Variants in CSMD1 observed in about 807,000 individuals in gnomAD.
CSMD1 encodes the protein CUB and sushi domain-containing protein 1.
Under a neutral mutation model 417.5 loss-of-function variants are expected in CSMD1, and 213 were observed. The observed-to-expected ratio is 0.51, with a 90% CI of 0.46 to 0.57. The LOEUF (loss-of-function observed/expected upper bound fraction) is 0.57, where lower values mean the gene tolerates loss of function less well. Among genes scored for constraint, CSMD1 ranks in the 20% least tolerant of loss-of-function variants. The pLI is 0.00. For missense variants in CSMD1, 6,923 were observed against 4,529.7 expected (o/e 1.53, Z -15.17); for synonymous variants, 2,862 against 1,736.8 (o/e 1.65, Z -16.11).
intron 5 of CSMD1, among the ~76,000 whole-genome samples, chr8:3,981,324 C>T (rs1337745367): frequency 6.6e-6 from 1 of 151,734 alleles, no homozygotes; most frequent in Non-Finnish European, 1.5e-5. Flanking sequence ...ATGATAACAG[C>T]GGATTTTGGG....
chr8:4,755,706 T>A (rs1248534093), intron 1 of CSMD1, among the ~76,000 whole-genome samples: 1 of 152,234 alleles, frequency 6.6e-6, no homozygotes, highest in Non-Finnish European at 1.5e-5. Context: ...TCACACAATT[T>A]TGAATCTTGC....
In CSMD1 at chr8:4,361,115, A is replaced by C. The variant is rs151185740; in HGVS notation, c.415+58838T>G. ...ATGCTACACACTGTGTGGATGCTGAAATAGTCACTGAATCTCTGAGCTGAA... is the reference window on the plus strand; with the variant it reads ...ATGCTACACACTGTGTGGATGCTGACATAGTCACTGAATCTCTGAGCTGAA... On this transcript the variant is annotated intron_variant, in intron 3 of 69. Transcript: ENST00000635120. 2.0e-5 allele frequency among the ~76,000 whole-genome samples: 3 copies of C among 152,256 alleles called. 1 individual carries two copies. The highest frequency in any genetic ancestry group is 2.9e-5 in the Non-Finnish European group (2 of 67,996).
chr8:3,903,005 C>A (rs138437639), intron 5 of CSMD1, among the ~76,000 whole-genome samples: 112 of 152,200 alleles, frequency 7.4e-4, no homozygotes, highest in Non-Finnish European at 1.4e-3. Context: ...TCTAGTCTTA[C>A]GATGAATGCA....
intron 3 of CSMD1, among the ~76,000 whole-genome samples, chr8:4,313,712 T>A (rs1028659068): frequency 1.7e-4 from 26 of 151,986 alleles, no homozygotes; most frequent in African/African-American, 5.3e-4. Context: ...TAAGGTCATA[T>A]GACTTAAAAA....
chr8:3,195,199 A>G (rs138498598), intron 33 of CSMD1, among the ~76,000 whole-genome samples: 337 of 152,328 alleles, frequency 2.2e-3, no homozygotes, highest in African/African-American at 7.0e-3. Context: ...GTACTCTCCA[A>G]CATGAAGGTT....
At chr8:4,814,353 C>T (rs1471836256) in intron 1 of CSMD1, among the ~76,000 whole-genome samples, 1 of 152,186 alleles carries the variant, frequency 6.6e-6, no homozygotes, top group African/African-American at 2.4e-5. Context: ...TCAAGCAAAT[C>T]TCCTGCCTCA....
intron 2 of CSMD1, among the ~76,000 whole-genome samples, chr8:4,553,758 C>T (rs765023898): frequency 6.6e-6 from 1 of 152,178 alleles, no homozygotes; most frequent in East Asian, 1.9e-4. Context: ...TTTCTAACTG[C>T]TCAGAGTAAC....
At chr8:3,891,838 G>A (rs187892172) in intron 5 of CSMD1, among the ~76,000 whole-genome samples, 5 of 152,014 alleles carry the variant, frequency 3.3e-5, no homozygotes, top group Non-Finnish European at 7.4e-5. Context: ...ATCTGTAATG[G>A]TAATCCATTA....
intron 1 of CSMD1, among the ~76,000 whole-genome samples, chr8:4,701,266 C>T (rs1807521187): frequency 6.6e-6 from 1 of 151,722 alleles, no homozygotes; most frequent in African/African-American, 2.4e-5. Flanking sequence ...TGGCAAATAC[C>T]AATGATAAGT....
At chr8:3,570,692 G>C (rs1012318067) in intron 10 of CSMD1, among the ~76,000 whole-genome samples, 2 of 152,154 alleles carry the variant, frequency 1.3e-5, no homozygotes, top group East Asian at 1.9e-4. Context: ...TCGGTTTTTA[G>C]TTGGCTCTTC....
chr8:4,951,047 G>C (rs956358129), intron 1 of CSMD1, among the ~76,000 whole-genome samples: 6 of 151,962 alleles, frequency 3.9e-5, no homozygotes, highest in African/African-American at 1.5e-4. Context: ...CCCCCAAGAA[G>C]TAGCTTCAAC....
At chr8:3,937,832 AT>A (rs1307746735) in intron 5 of CSMD1, among the ~76,000 whole-genome samples, 1 of 152,168 alleles carries the variant, frequency 6.6e-6, no homozygotes, top group East Asian at 1.9e-4. Flanking sequence ...AAATTTTATG[AT>A]TTAAAGTTTA....
At chr8:4,437,403 A>G (rs895730374) in intron 2 of CSMD1, among the ~76,000 whole-genome samples, 1 of 152,202 alleles carries the variant, frequency 6.6e-6, no homozygotes, top group Non-Finnish European at 1.5e-5. Context: ...CATGACTAGC[A>G]AAGTGAGCCA....
At chr8:4,079,879 T>C (rs986294192) in intron 3 of CSMD1, among the ~76,000 whole-genome samples, 3 of 152,188 alleles carry the variant, frequency 2.0e-5, no homozygotes, top group Admixed American at 6.5e-5. Flanking sequence ...ACCATCTTCA[T>C]AGGCTGGGGC....
At chr8:3,172,128 A>G (rs935631168) in intron 37 of CSMD1, among the ~76,000 whole-genome samples, 2 of 152,254 alleles carry the variant, frequency 1.3e-5, no homozygotes, top group African/African-American at 4.8e-5. Context: ...AATTATTCTT[A>G]GAATAAATCC....
chr8:4,706,923 C>T (rs1807982410), intron 1 of CSMD1, among the ~76,000 whole-genome samples: 1 of 152,188 alleles, frequency 6.6e-6, no homozygotes, highest in Non-Finnish European at 1.5e-5. Flanking sequence ...ATTCATGAAA[C>T]TATGAGTAAT....
chr8:3,150,560 A>G (rs1288748479), intron 40 of CSMD1, among the ~76,000 whole-genome samples: 1 of 152,176 alleles, frequency 6.6e-6, no homozygotes, highest in Non-Finnish European at 1.5e-5. Context: ...CAGGGCAGTT[A>G]TTTCTATTTA....
At chr8:4,082,413 G>C (rs1427821533) in intron 3 of CSMD1, among the ~76,000 whole-genome samples, 2 of 152,066 alleles carry the variant, frequency 1.3e-5, no homozygotes, top group Admixed American at 6.6e-5. Context: ...ACAAAACCCA[G>C]TATTTTAAGA....
At chr8:3,500,801 G>T (rs186485131) in intron 10 of CSMD1, among the ~76,000 whole-genome samples, 1 of 152,244 alleles carries the variant, frequency 6.6e-6, no homozygotes, top group Non-Finnish European at 1.5e-5. Context: ...TGGAAGAAGC[G>T]CTAAAGTGGA....
Sources: gnomAD v4.1 joint callset for allele counts (sites outside exome capture counted in the v4.1 genomes callset) on GRCh38, gnomAD v4.1.1 for gene constraint, MANE v1.5 for transcripts, NCBI Gene and HGNC (gene_info 2026-07-23, HGNC 2026-07-21) for gene names.